Variants in TRDN observed in about 807,000 individuals in gnomAD.
The protein encoded by TRDN is triadin in skeletal muscle.
In TRDN, 161 loss-of-function variants were observed where a neutral mutation model predicts 149.7. That is an observed-to-expected ratio of 1.08 (90% CI 0.95 to 1.23). The LOEUF is 1.23. Ranked by LOEUF, TRDN falls within the 50% of genes most tolerant of loss-of-function variation. TRDN has a pLI of 0.00. For synonymous variants in TRDN, 294 were observed against 250.5 expected, an observed-to-expected ratio of 1.17 and a Z score of -1.64; for missense variants, 896 against 823.5, an observed-to-expected ratio of 1.09 and a Z score of -1.08.
intron 12 of TRDN, among the ~76,000 whole-genome samples, chr6:123,403,658 A>G (rs1227380740): frequency 1.3e-5 from 2 of 152,172 alleles, no homozygotes; most frequent in Non-Finnish European, 2.9e-5. Context: ...TTCCCCTATT[A>G]AAATAGCAGG....
At chr6:123,551,547 T>C (rs1400449436) in intron 2 of TRDN, among the ~76,000 whole-genome samples, 1 of 152,106 alleles carries the variant, frequency 6.6e-6, no homozygotes, top group Non-Finnish European at 1.5e-5. Context: ...TTAGCTTTCA[T>C]GTTTCCCTAA....
intron 40 of TRDN, 138 bp from the exon 41 acceptor site, chr6:123,218,878 A>T: frequency 4.6e-6 from 4 of 862,784 alleles, no homozygotes; most frequent in Non-Finnish European, 7.0e-6. Context: ...ACTAAACTTC[A>T]CTGTGTCTTG....
intron 6 of TRDN, among the ~76,000 whole-genome samples, chr6:123,513,178 G>T (rs1779257189): frequency 6.6e-6 from 1 of 151,936 alleles, no homozygotes; most frequent in Non-Finnish European, 1.5e-5. Flanking sequence ...CTGCCCACAG[G>T]TACCTCCACT....
rs111276785 is a variant in TRDN, at chr6:123,252,403, C to G, written c.1975+9G>C. 4.0e-6 allele frequency: 6 copies of G among 1,496,108 alleles called. No homozygotes were observed. Among genetic ancestry groups the G allele is most frequent in the Non-Finnish European group, 4.6e-6 (5 of 1,097,628 alleles). 92.7% of individuals were successfully genotyped at this position (1,496,108 alleles called of 1,614,324 possible). A position where few individuals can be genotyped will look rare whatever the true frequency, so the allele number is the denominator to read the frequency against. ...AAGAGAACTTGTCATTAATACAAAC[C>G]GTACTTACTTGATACTCTTGCAGGT... is the stretch of plus-strand genomic sequence containing the variant. On this transcript the variant is annotated intron_variant, in intron 38 of 40. Transcript: ENST00000334268.
intron 27 of TRDN, 86 bp from the exon 28 acceptor site, chr6:123,273,449 A>G: frequency 1.5e-6 from 1 of 670,622 alleles, no homozygotes; most frequent in Non-Finnish European, 2.1e-6. Flanking sequence ...TATTGTAAAT[A>G]GAACTAGGCA....
chr6:123,318,892 G>A (rs748383379), intron 23 of TRDN, among the ~76,000 whole-genome samples: 4 of 152,006 alleles, frequency 2.6e-5, no homozygotes, highest in Admixed American at 6.6e-5. Flanking sequence ...ATTATCTAAC[G>A]TGTGGCTGTG....
chr6:123,358,079 A>C (rs2114324752), intron 20 of TRDN, among the ~76,000 whole-genome samples: 1 of 152,324 alleles, frequency 6.6e-6, no homozygotes, highest in South Asian at 2.1e-4. Flanking sequence ...TTGGAGTCAA[A>C]AGAAGACCGT....
intron 13 of TRDN, among the ~76,000 whole-genome samples, chr6:123,390,081 G>T (rs974443564): frequency 2.0e-5 from 3 of 152,060 alleles, no homozygotes; most frequent in Non-Finnish European, 4.4e-5. Flanking sequence ...AAGACAAAAT[G>T]AAACAACATA....
rs1776696081 is a variant in TRDN at position 123,464,914 on chromosome 6, G to A, written c.923C>T (p.Ala308Val). The stretch of plus-strand genomic sequence containing the variant: ...AAAAAAAAAGTACTTGCCTTCAAGG[G>A]CAGGTGATGCCGGAGTGGGTCTGGA... ...QASRPTPASP[A>V]LEEKEGEKKK... Residue 308 changes from alanine to valine, a missense_variant, in exon 10 of 41, where the codon GCC becomes GTC. Transcript: ENST00000334268. The A allele has an allele frequency of 6.3e-7, 1 of 1,587,262 alleles. No homozygotes were observed. The highest frequency in any genetic ancestry group is 8.6e-7 in the Non-Finnish European group (1 of 1,166,028).
chr6:123,585,516 G>T (rs550913038), intron 1 of TRDN, among the ~76,000 whole-genome samples: 1 of 152,158 alleles, frequency 6.6e-6, no homozygotes, highest in Non-Finnish European at 1.5e-5. Context: ...CATCCATGAT[G>T]GTCTAGGGGG....
intron 10 of TRDN, among the ~76,000 whole-genome samples, chr6:123,449,552 C>T (rs1377009204): frequency 6.6e-6 from 1 of 152,034 alleles, no homozygotes; most frequent in African/African-American, 2.4e-5. Context: ...AACAAAGCTT[C>T]CAAGAAGTCT....
chr6:123,547,319 T>G, intron 4 of TRDN, 21 bp downstream of exon 4: 2 of 1,396,766 alleles, frequency 1.4e-6, no homozygotes, highest in Non-Finnish European at 1.9e-6. Flanking sequence ...ATAATTATTA[T>G]CAAAGGTGAA....
At chr6:123,563,582 G>A (rs879374593) in intron 2 of TRDN, among the ~76,000 whole-genome samples, 3 of 152,136 alleles carry the variant, frequency 2.0e-5, no homozygotes, top group Non-Finnish European at 2.9e-5. Flanking sequence ...CCATAAATTT[G>A]TTTCCAAGCT....
At chr6:123,621,714 C>T (rs1414649955) in intron 1 of TRDN, among the ~76,000 whole-genome samples, 1 of 152,108 alleles carries the variant, frequency 6.6e-6, no homozygotes, top group Non-Finnish European at 1.5e-5. Context: ...ACAAACTTAG[C>T]ATAACTATGT....
chr6:123,300,640 T>C (rs1260779891), intron 24 of TRDN, among the ~76,000 whole-genome samples: 1 of 151,828 alleles, frequency 6.6e-6, no homozygotes. Context: ...GAAGATAAAT[T>C]CAATCAGAAG....
At chr6:123,435,012 T>C (rs539342912) in intron 12 of TRDN, among the ~76,000 whole-genome samples, 1 of 151,908 alleles carries the variant, frequency 6.6e-6, no homozygotes, top group South Asian at 2.1e-4. Flanking sequence ...TAGAAGCCCA[T>C]TTATCACTGA....
At chr6:123,290,826 G>A (rs1437202093) in intron 24 of TRDN, among the ~76,000 whole-genome samples, 1 of 152,146 alleles carries the variant, frequency 6.6e-6, no homozygotes, top group Non-Finnish European at 1.5e-5. Context: ...GAACCAGTGA[G>A]TGAAAAAGAG....
chr6:123,622,491 C>T (rs1785450473), intron 1 of TRDN, among the ~76,000 whole-genome samples: 1 of 152,086 alleles, frequency 6.6e-6, no homozygotes, highest in South Asian at 2.1e-4. Flanking sequence ...AGTCGGTGTC[C>T]TTACCCTTGT....
At position 123,423,743 on chromosome 6, in the gene TRDN, A is replaced by T. The variant is rs1774001429; in HGVS notation, c.1051+14320T>A. ...GAAATACCTTTAAACTTCTACCTTA[A>T]TATGTTTTTTTGTCTTATTTTATGG... On this transcript the variant is annotated intron_variant, in intron 12 of 40. Coordinates refer to ENST00000334268, the MANE Select transcript of TRDN (RefSeq NM_006073.4). Among the ~76,000 whole-genome samples the T allele has an allele frequency of 2.0e-5, 3 of 152,126 alleles. No homozygotes were observed. The South Asian group carries it at 6.2e-4, about 32-fold the overall frequency.
Sources: gnomAD v4.1 joint callset for allele counts (sites outside exome capture counted in the v4.1 genomes callset) on GRCh38, gnomAD v4.1.1 for gene constraint, MANE v1.5 for transcripts, NCBI Gene and HGNC (gene_info 2026-07-23, HGNC 2026-07-21) for gene names.